Variants in PUDP observed in about 807,000 individuals in gnomAD.
PUDP encodes the protein pseudouridine-5'-phosphatase.
PUDP carries 8 observed loss-of-function variants against 9.4 expected under a neutral mutation model. That is an observed-to-expected ratio of 0.85 (90% CI 0.50 to 1.53). PUDP has a LOEUF of 1.53. PUDP is among the 40% of genes most tolerant of loss of function. PUDP has a pLI of 0.00. For missense variants in PUDP, 188 were observed against 189.7 expected, an observed-to-expected ratio of 0.99 and a Z score of 0.05; for synonymous variants, 99 against 80.7, an observed-to-expected ratio of 1.23 and a Z score of -1.22.
chrX:6,767,182 G>C lies in PUDP; in HGVS notation c.*248-60716C>G, dbSNP rs1359824240. On this transcript the variant is annotated intron_variant and NMD_transcript_variant, in intron 3 of 3. Transcript: ENST00000655425. ...TTGTAAGGCAGTGGAATTATTTAGTGGAATTATTTAGCGTAGCTAAGCTAA... is the reference window on the plus strand; with the variant it reads ...TTGTAAGGCAGTGGAATTATTTAGTCGAATTATTTAGCGTAGCTAAGCTAA... 2.7e-5 allele frequency among the ~76,000 whole-genome samples: 3 copies of C among 113,144 alleles called. No homozygotes were observed. The Admixed American group carries it at 2.8e-4, about 11-fold the overall frequency.
intron 3 of PUDP, among the ~76,000 whole-genome samples, chrX:6,904,196 T>C (rs1047354247): frequency 9.1e-5 from 10 of 110,080 alleles, no homozygotes; most frequent in Non-Finnish European, 1.3e-4. Flanking sequence ...AGGTGATCCA[T>C]CCGCCTCAGC....
chrX:6,957,068 T>A (rs1394976060), intron 3 of PUDP, among the ~76,000 whole-genome samples: 1 of 112,360 alleles, frequency 8.9e-6, no homozygotes, highest in Non-Finnish European at 1.9e-5. Flanking sequence ...ACTTCCATAA[T>A]GGGAAATTCT....
intron 3 of PUDP, among the ~76,000 whole-genome samples, chrX:6,848,769 C>T (rs932666722): frequency 1.8e-5 from 2 of 111,433 alleles, no homozygotes; most frequent in African/African-American, 6.5e-5. Flanking sequence ...TCTGGGACTT[C>T]CCCCCACTCT....
Position 7,068,550 on chromosome X carries a change from C to T in PUDP, c.510+8670G>A, listed in dbSNP as rs144183628. ...AGCCTCAATTCAGGAAGGGAAGAAA[C>T]GTACAAATGAGGACAAGGGAGGTTT... On this transcript the variant is annotated intron_variant, in intron 3 of 3. Transcript: ENST00000381077. Among the ~76,000 whole-genome samples the T allele has an allele frequency of 3.9e-3, 431 of 111,788 alleles. 2 individuals carry two copies. Among genetic ancestry groups the T allele is most frequent in the African/African-American group, 0.014 (416 of 30,735 alleles).
chrX:7,083,559 G>T (rs1334361268), intron 2 of PUDP, among the ~76,000 whole-genome samples: 5 of 111,219 alleles, frequency 4.5e-5, no homozygotes, highest in Admixed American at 3.8e-4. Context: ...AGACAGTTGT[G>T]GGGGGCAGGT....
chrX:6,957,199 A>G (rs182637534), intron 3 of PUDP, among the ~76,000 whole-genome samples: 222 of 111,238 alleles, frequency 2.0e-3, no homozygotes, highest in Non-Finnish European at 3.3e-3. Context: ...ATAGTGTTCC[A>G]TCAGTCAAGG....
At chrX:6,847,009 T>C (rs747134938) in intron 3 of PUDP, among the ~76,000 whole-genome samples, 2 of 112,029 alleles carry the variant, frequency 1.8e-5, no homozygotes, top group African/African-American at 6.5e-5. Flanking sequence ...TAAAAAGTGC[T>C]CTACAGGAAG....
intron 3 of PUDP, among the ~76,000 whole-genome samples, chrX:6,928,822 G>A (rs746364144): frequency 1.5e-4 from 17 of 111,069 alleles, no homozygotes; most frequent in African/African-American, 4.3e-4. Context: ...CTCTTGAGCC[G>A]GGGAGGCGGA....
At chrX:7,067,959 C>T (rs757585511) in intron 3 of PUDP, among the ~76,000 whole-genome samples, 1 of 111,597 alleles carries the variant, frequency 9.0e-6, no homozygotes, top group South Asian at 3.9e-4. Context: ...CCACTGCCAT[C>T]CATGTAAGAC....
In PUDP at chrX:7,017,083, C is replaced by T. The variant is rs776814933; in HGVS notation, c.205-38740G>A. The stretch of plus-strand genomic sequence containing the variant: ...AGTCATAGGGCTTCACCCCACTGCC[C>T]GAAACCCTCCACTATTAGCTGCCAC... On this transcript the variant is annotated intron_variant and NMD_transcript_variant, in intron 1 of 3. Coordinates refer to the PUDP transcript ENST00000655425. Among the ~76,000 whole-genome samples, 26 of 111,803 alleles carry T rather than the reference C, an allele frequency of 2.3e-4. No homozygotes were observed. In the South Asian group the frequency reaches 6.1e-3, roughly 26 times the overall value.
intron 1 of PUDP, among the ~76,000 whole-genome samples, chrX:7,038,768 T>A: frequency 8.9e-6 from 1 of 111,852 alleles, no homozygotes; most frequent in South Asian, 3.8e-4. Context: ...AAGGAAATTA[T>A]AGGAAAAAAG....
chrX:7,056,169 C>T (rs1187628607), intron 3 of PUDP, among the ~76,000 whole-genome samples: 3 of 112,666 alleles, frequency 2.7e-5, no homozygotes, highest in Non-Finnish European at 5.6e-5. Flanking sequence ...CTCTCTAAGC[C>T]AAGGGACTTC....
intron 1 of PUDP, among the ~76,000 whole-genome samples, chrX:7,028,773 TA>T (rs1929752910): frequency 9.0e-6 from 1 of 111,489 alleles, no homozygotes; most frequent in Non-Finnish European, 1.9e-5. Context: ...CGGACTGACA[TA>T]ACAAAGCGCC....
upstream of PUDP, among the ~76,000 whole-genome samples, chrX:6,726,207 C>T (rs1345338711): frequency 9.0e-6 from 1 of 111,320 alleles, no homozygotes; most frequent in African/African-American, 3.3e-5. Flanking sequence ...GGCCGTGTGT[C>T]CCAACATGGC....
chrX:7,133,774 A>T (rs746558429), intron 1 of PUDP, among the ~76,000 whole-genome samples: 1 of 112,305 alleles, frequency 8.9e-6, no homozygotes, highest in Admixed American at 9.4e-5. Flanking sequence ...AGCAACAGGT[A>T]CATGGCATTT....
At chrX:6,857,789 C>T (rs189221950) in intron 3 of PUDP, among the ~76,000 whole-genome samples, 2 of 111,467 alleles carry the variant, frequency 1.8e-5, no homozygotes, top group Admixed American at 1.9e-4. Context: ...TCTTCTATGC[C>T]CTCCTACAGA....
rs1190431343 is a variant in PUDP, at chrX:7,050,198, G to A, written c.*98C>T. Reference sequence around the variant, plus strand: ...AATCTCAGGAGGCTAAAATCACAGCGCAGGTTGGGATTGAAGAGTTGCTGA... The same window carrying A: ...AATCTCAGGAGGCTAAAATCACAGCACAGGTTGGGATTGAAGAGTTGCTGA... On this transcript the variant is annotated 3_prime_UTR_variant, in exon 4 of 4. Coordinates refer to ENST00000381077, the MANE Select transcript of PUDP (RefSeq NM_012080.5). 7 of 820,019 alleles carry A rather than the reference G, an allele frequency of 8.5e-6. No individual in the cohort carries two copies. The highest frequency in any genetic ancestry group is 2.9e-5 in the South Asian group (1 of 33,946). 67.6% of individuals were successfully genotyped at this position (820,019 alleles called of 1,213,427 possible). A position where few individuals can be genotyped will look rare whatever the true frequency, so the allele number is the denominator to read the frequency against.
intron 1 of PUDP, among the ~76,000 whole-genome samples, chrX:6,986,982 C>T (rs1052615546): frequency 8.9e-5 from 10 of 111,948 alleles, no homozygotes; most frequent in African/African-American, 2.6e-4. Flanking sequence ...CCTCCAGCTG[C>T]CTGCCAAGAC....
At chrX:7,098,720 T>C (rs983591499) in intron 2 of PUDP, among the ~76,000 whole-genome samples, 25 of 111,161 alleles carry the variant, frequency 2.2e-4, no homozygotes, top group African/African-American at 7.5e-4. Context: ...CTGGCACCCA[T>C]CCACGACTCT....
Sources: gnomAD v4.1 joint callset for allele counts (sites outside exome capture counted in the v4.1 genomes callset) on GRCh38, gnomAD v4.1.1 for gene constraint, MANE v1.5 for transcripts, NCBI Gene and HGNC (gene_info 2026-07-23, HGNC 2026-07-21) for gene names.